The following DOK5 variants were observed in gnomAD, a reference collection of about 807,000 sequenced individuals.
The protein encoded by DOK5 is docking protein 5, also known as downstream of tyrosine kinase 5.
DOK5 carries 27 observed loss-of-function variants against 43.3 expected under a neutral mutation model. The observed-to-expected ratio is 0.62, with a 90% CI of 0.46 to 0.86. The LOEUF (loss-of-function observed/expected upper bound fraction) is 0.86. Ranked by LOEUF, DOK5 falls within the 40% of genes least tolerant of loss-of-function variation. DOK5 has a pLI of 0.00. For missense variants in DOK5, 373 were observed against 392.9 expected (o/e 0.95, Z 0.43); for synonymous variants, 146 against 140.1 (o/e 1.04, Z -0.30).
At chr20:54,615,337 T>TA (rs1986772695) in intron 6 of DOK5, among the ~76,000 whole-genome samples, 1 of 152,210 alleles carries the variant, frequency 6.6e-6, no homozygotes, top group South Asian at 2.1e-4. Flanking sequence ...CTGTGAATGT[T>TA]ACCTTACAAG....
rs558291486 is a variant in DOK5 at position 54,480,074 on chromosome 20, C to T, written c.66+4062C>T. Among the ~76,000 whole-genome samples, 14 of 152,198 alleles carry T rather than the reference C, an allele frequency of 9.2e-5. No individual in the cohort carries two copies. In the East Asian group the frequency reaches 9.7e-4, roughly 11 times the overall value. The stretch of plus-strand genomic sequence containing the variant: ...GACTTCCTGCCTACACTCTTGCTCC[C>T]GCTAGTGCCTTCTCAATACAGTAAA... On this transcript the variant is annotated intron_variant, in intron 1 of 7. Coordinates refer to ENST00000262593, the MANE Select transcript of DOK5 (RefSeq NM_018431.5).
intron 6 of DOK5, among the ~76,000 whole-genome samples, chr20:54,628,540 G>T (rs1409090565): frequency 6.7e-6 from 1 of 149,076 alleles, no homozygotes; most frequent in Non-Finnish European, 1.5e-5. Flanking sequence ...GACTCTGTCT[G>T]TATGCCCTAA....
intron 2 of DOK5, among the ~76,000 whole-genome samples, chr20:54,557,211 T>C (rs1251114680): frequency 6.6e-6 from 1 of 152,202 alleles, no homozygotes; most frequent in Non-Finnish European, 1.5e-5. Context: ...TAATGGTCTA[T>C]GCCAGTGGTC....
At chr20:54,530,577 A>G (rs59393556) in intron 1 of DOK5, among the ~76,000 whole-genome samples, 3,694 of 152,260 alleles carry the variant, frequency 0.024, 149 homozygotes, top group African/African-American at 0.084. Context: ...CTGTCTTGCC[A>G]GTCTAACCTG....
intron 2 of DOK5, among the ~76,000 whole-genome samples, chr20:54,558,160 G>A (rs1049402595): frequency 6.6e-6 from 1 of 152,184 alleles, no homozygotes; most frequent in African/African-American, 2.4e-5. Context: ...AGAAAATAGG[G>A]TGGGCAGTGA....
intron 2 of DOK5, among the ~76,000 whole-genome samples, chr20:54,574,086 A>G (rs771037165): frequency 3.3e-5 from 5 of 152,204 alleles, no homozygotes; most frequent in Non-Finnish European, 7.4e-5. Context: ...GCATTGCTCC[A>G]GGAAAGGCGA....
At position 54,525,198 on chromosome 20, in the gene DOK5, C is replaced by T. The variant is rs2426527; in HGVS notation, c.67-29735C>T. On this transcript the variant is annotated intron_variant, in intron 1 of 7. Coordinates refer to ENST00000262593, the MANE Select transcript of DOK5 (RefSeq NM_018431.5). Reference sequence around the variant, plus strand: ...AAACTATTGAGCTCTAGCAGGAGAACGTGGAGTCCTGTCCTCTTAGTTGGT... The same window carrying T: ...AAACTATTGAGCTCTAGCAGGAGAATGTGGAGTCCTGTCCTCTTAGTTGGT... Among the ~76,000 whole-genome samples, 1,447 of 152,272 alleles carry T rather than the reference C, an allele frequency of 9.5e-3. 31 individuals carry two copies. Among genetic ancestry groups the T allele is most frequent in the African/African-American group, 0.033 (1,377 of 41,546 alleles).
At chr20:54,534,876 G>T (rs913900294) in intron 1 of DOK5, among the ~76,000 whole-genome samples, 7 of 144,384 alleles carry the variant, frequency 4.8e-5, no homozygotes, top group Middle Eastern at 3.5e-3. Context: ...TCACTCTGTC[G>T]CACAGGCTGG....
intron 6 of DOK5, among the ~76,000 whole-genome samples, chr20:54,629,103 TG>T (rs1392402194): frequency 6.6e-6 from 1 of 152,262 alleles, no homozygotes; most frequent in Non-Finnish European, 1.5e-5. Flanking sequence ...GAATTTCCCC[TG>T]GTTTTCATTT....
At position 54,541,051 on chromosome 20, in the gene DOK5, T is replaced by C. The variant is rs371336682; in HGVS notation, c.67-13882T>C. ...CCCATCCCCAAACTTCACACCTCCC[T>C]ACTGAACTTCGTCCTTTTCCAGGCT... On this transcript the variant is annotated intron_variant, in intron 1 of 7. Coordinates refer to ENST00000262593, the MANE Select transcript of DOK5 (RefSeq NM_018431.5). Among the ~76,000 whole-genome samples the C allele has an allele frequency of 3.9e-5, 6 of 152,370 alleles. No individual in the cohort carries two copies. In the East Asian group the frequency reaches 7.7e-4, roughly 20 times the overall value.
chr20:54,547,958 C>A (rs1984401022), intron 1 of DOK5, among the ~76,000 whole-genome samples: 1 of 152,132 alleles, frequency 6.6e-6, no homozygotes. Context: ...ATTTTGCCCC[C>A]CAGAGGATGT....
intron 5 of DOK5, among the ~76,000 whole-genome samples, chr20:54,609,050 C>A (rs1986559355): frequency 6.6e-6 from 1 of 152,114 alleles, no homozygotes; most frequent in South Asian, 2.1e-4. Flanking sequence ...GGTTTTGGCC[C>A]ACTACTTAGG....
intron 1 of DOK5, among the ~76,000 whole-genome samples, 173 bp from the exon 2 acceptor site, chr20:54,554,760 C>T (rs937909103): frequency 3.3e-5 from 5 of 152,172 alleles, no homozygotes; most frequent in African/African-American, 4.8e-5. Context: ...CTGAATGACA[C>T]ATAATATGCC....
chr20:54,634,497 A>G (rs1056482258), intron 6 of DOK5, among the ~76,000 whole-genome samples: 2 of 127,332 alleles, frequency 1.6e-5, no homozygotes, highest in African/African-American at 6.5e-5. Flanking sequence ...GCTGGAGTGC[A>G]GTGGTGCGAT....
At chr20:54,478,441 T>C (rs1274435098) in intron 1 of DOK5, among the ~76,000 whole-genome samples, 1 of 152,222 alleles carries the variant, frequency 6.6e-6, no homozygotes, top group Non-Finnish European at 1.5e-5. Flanking sequence ...ATTTATTTTG[T>C]CTAGCACAGA....
chr20:54,501,466 CAAAAAAAAAAAAAAA>C (rs76224592), intron 1 of DOK5, among the ~76,000 whole-genome samples: 3 of 19,462 alleles, frequency 1.5e-4, no homozygotes, highest in South Asian at 1.8e-3. Context: ...GACTCACTCT[CAAAAAAAAAAAAAAA>C]AAAAAAAAAA....
chr20:54,649,671 G>A (rs1203824804), intron 7 of DOK5, among the ~76,000 whole-genome samples: 2 of 152,172 alleles, frequency 1.3e-5, no homozygotes, highest in African/African-American at 2.4e-5. Context: ...AATCAGGGAC[G>A]CATTATCTAC....
At chr20:54,546,957 G>A (rs902338058) in intron 1 of DOK5, among the ~76,000 whole-genome samples, 2 of 152,140 alleles carry the variant, frequency 1.3e-5, no homozygotes, top group African/African-American at 4.8e-5. Context: ...CTTGGCTTAT[G>A]GGGAGATGTG....
intron 1 of DOK5, chr20:54,494,761 A>T (rs1016879287): frequency 2.0e-5 from 3 of 151,470 alleles, no homozygotes; most frequent in African/African-American, 7.3e-5. Flanking sequence ...CTGAGAGTAC[A>T]TCACAGCTGA....
Sources: allele counts gnomAD v4.1 joint callset (sites outside exome capture counted in the v4.1 genomes callset), GRCh38; gene constraint gnomAD v4.1.1; transcripts MANE v1.5; gene names NCBI Gene and HGNC (gene_info 2026-07-23, HGNC 2026-07-21).